The following CNTN3 variants were observed in gnomAD, a reference collection of about 807,000 sequenced individuals.
The protein encoded by CNTN3 is contactin-3.
Under a neutral mutation model 119.1 loss-of-function variants are expected in CNTN3, and 60 were observed. The observed-to-expected ratio is 0.50, with a 90% CI of 0.41 to 0.62. The LOEUF (loss-of-function observed/expected upper bound fraction) is 0.62. CNTN3 is among the 20% of genes least tolerant of loss of function. CNTN3 has a pLI of 0.00. For missense variants in CNTN3, 1,101 were observed against 1,242.4 expected (o/e 0.89, Z 1.71); for synonymous variants, 450 against 438.7 (o/e 1.03, Z -0.32).
chr3:74,607,109 C>A (rs1705005388), intron 1 of CNTN3, among the ~76,000 whole-genome samples: 1 of 152,030 alleles, frequency 6.6e-6, no homozygotes, highest in African/African-American at 2.4e-5. Flanking sequence ...AATTAACCTG[C>A]CTCGTATATG....
At chr3:74,447,036 GTCTCCTAGCAGTGTACAGATGGCACACT>G (rs560489308) in intron 4 of CNTN3, among the ~76,000 whole-genome samples, 1 of 152,282 alleles carries the variant, frequency 6.6e-6, no homozygotes, top group East Asian at 1.9e-4. Context: ...GTATTCATCA[GTCTCCTAGCAGTGTACAGATGGCACACT>G]TCAATGTGGT....
chr3:74,407,570 G>T (rs1308883707), intron 5 of CNTN3, among the ~76,000 whole-genome samples: 1 of 150,948 alleles, frequency 6.6e-6, no homozygotes, highest in Non-Finnish European at 1.5e-5. Flanking sequence ...ACCGCGCCCG[G>T]CCAAGCCAAA....
chr3:74,494,665 C>A (rs534497593), intron 3 of CNTN3, among the ~76,000 whole-genome samples: 1 of 152,138 alleles, frequency 6.6e-6, no homozygotes, highest in South Asian at 2.1e-4. Flanking sequence ...ATTATTGACT[C>A]CTGAAATATA....
chr3:74,289,903 A>G (rs1702189413), intron 19 of CNTN3, among the ~76,000 whole-genome samples: 1 of 152,246 alleles, frequency 6.6e-6, no homozygotes, highest in African/African-American at 2.4e-5. Flanking sequence ...TCAAACTAGC[A>G]GATCTGAACA....
intron 1 of CNTN3, among the ~76,000 whole-genome samples, chr3:74,537,658 G>T (rs1703785056): frequency 6.6e-6 from 1 of 152,132 alleles, no homozygotes; most frequent in South Asian, 2.1e-4. Context: ...GCAGAGGAAG[G>T]ATGGAACAAA....
chr3:74,291,047 C>T (rs181564247), intron 19 of CNTN3, among the ~76,000 whole-genome samples: 1 of 152,012 alleles, frequency 6.6e-6, no homozygotes, highest in Non-Finnish European at 1.5e-5. Context: ...TATCCCTCCC[C>T]CCTTCCCCCA....
At chr3:74,331,355 A>G (rs1703260388) in intron 13 of CNTN3, among the ~76,000 whole-genome samples, 2 of 152,226 alleles carry the variant, frequency 1.3e-5, no homozygotes, top group Non-Finnish European at 2.9e-5. Context: ...GGAATAGGCT[A>G]TACCACACAG....
intron 2 of CNTN3, among the ~76,000 whole-genome samples, chr3:74,510,249 A>G (rs1703342683): frequency 1.4e-5 from 1 of 71,586 alleles, no homozygotes; most frequent in Non-Finnish European, 3.0e-5. Context: ...TCCAACTATA[A>G]CACAATATAT....
intron 1 of CNTN3, among the ~76,000 whole-genome samples, chr3:74,579,106 C>T (rs992954042): frequency 2.0e-5 from 3 of 151,700 alleles, no homozygotes; most frequent in Admixed American, 6.6e-5. Flanking sequence ...GCTAGTATTT[C>T]GTGCCAATAT....
At chr3:74,517,830 G>C (rs1183102815) in intron 2 of CNTN3, among the ~76,000 whole-genome samples, 2 of 151,680 alleles carry the variant, frequency 1.3e-5, no homozygotes, top group African/African-American at 4.8e-5. Flanking sequence ...CTGTCACCAG[G>C]CAAACACCTC....
At chr3:74,583,490 T>C (rs1704547051) in intron 1 of CNTN3, among the ~76,000 whole-genome samples, 1 of 152,108 alleles carries the variant, frequency 6.6e-6, no homozygotes, top group Non-Finnish European at 1.5e-5. Context: ...ATGTTTCCAT[T>C]TACATGAAGT....
At chr3:74,338,360 ATTTTG>A (rs1343352411) in intron 11 of CNTN3, among the ~76,000 whole-genome samples, 2 of 149,018 alleles carry the variant, frequency 1.3e-5, no homozygotes, top group Non-Finnish European at 3.0e-5. Context: ...TATAAGATAG[ATTTTG>A]TTTTATTTAT....
In CNTN3 at chr3:74,369,892, C is replaced by T; in HGVS notation, c.758G>A (p.Gly253Glu). The T allele has an allele frequency of 6.3e-7, 1 of 1,581,202 alleles. No homozygotes were observed. The highest frequency in any genetic ancestry group is 1.1e-5 in the South Asian group (1 of 89,734). ...STVKLECFAL[G>E]NPIPQINWRR... ...GAGTAAATGTTATAAAACTTACTTT[C>T]CAAGGGCAAAACATTCCAATTTCAC... Residue 253 changes from glycine to glutamate, a missense_variant, in exon 7 of 23, where the codon GGA becomes GAA. Physicochemically the swap from Gly to Glu is moderately conservative, Grantham distance 98. Coordinates refer to ENST00000263665, the MANE Select transcript of CNTN3 (RefSeq NM_020872.3).
chr3:74,367,126 T>C (rs1704215730), intron 8 of CNTN3, among the ~76,000 whole-genome samples: 1 of 152,006 alleles, frequency 6.6e-6, no homozygotes, highest in Admixed American at 6.6e-5. Flanking sequence ...GACTATTTTT[T>C]ACATGAAATA....
intron 2 of CNTN3, among the ~76,000 whole-genome samples, chr3:74,517,272 C>T (rs1481575240): frequency 6.6e-6 from 1 of 151,930 alleles, no homozygotes; most frequent in Non-Finnish European, 1.5e-5. Context: ...TTATCACTAC[C>T]TTTAAAAACT....
At chr3:74,486,894 G>C (rs1001473316) in intron 3 of CNTN3, among the ~76,000 whole-genome samples, 1 of 152,126 alleles carries the variant, frequency 6.6e-6, no homozygotes, top group African/African-American at 2.4e-5. Context: ...GATTTCATTT[G>C]TTCACTGGGG....
intron 2 of CNTN3, among the ~76,000 whole-genome samples, chr3:74,505,677 G>A (rs1005927460): frequency 1.3e-5 from 2 of 151,802 alleles, no homozygotes; most frequent in Non-Finnish European, 2.9e-5. Flanking sequence ...AAGCTATACT[G>A]TAACCAATGC....
At position 74,327,331 on chromosome 3, in the gene CNTN3, G is replaced by A. The variant is rs139909624; in HGVS notation, c.1668+7404C>T. Reference sequence around the variant, plus strand: ...TTTAGTAGAGACAGGGTTTCACCATGTTGGTCAGGCTGGTCTCGAACTCCT... The same window carrying A: ...TTTAGTAGAGACAGGGTTTCACCATATTGGTCAGGCTGGTCTCGAACTCCT... On this transcript the variant is annotated intron_variant, in intron 13 of 22. Transcript: ENST00000263665. 7.9e-5 allele frequency among the ~76,000 whole-genome samples: 12 copies of A among 151,876 alleles called. No homozygotes were observed. The East Asian group carries it at 1.9e-3, about 25-fold the overall frequency.
At chr3:74,360,763 A>G (rs918933387) in intron 11 of CNTN3, among the ~76,000 whole-genome samples, 2 of 151,996 alleles carry the variant, frequency 1.3e-5, no homozygotes, top group Non-Finnish European at 2.9e-5. Context: ...CCCTTCCCTC[A>G]TCTTCACAGC....
Sources: gnomAD v4.1 joint callset for allele counts (sites outside exome capture counted in the v4.1 genomes callset) on GRCh38, gnomAD v4.1.1 for gene constraint, MANE v1.5 for transcripts, NCBI Gene and HGNC (gene_info 2026-07-23, HGNC 2026-07-21) for gene names.